THSD4: variants seen among roughly 807,000 people sequenced by gnomAD.
THSD4 encodes the protein thrombospondin type 1 domain containing 4, also known as thrombospondin type-1 domain-containing protein 4.
Under a neutral mutation model 119.0 loss-of-function variants are expected in THSD4, and 69 were observed. The observed-to-expected ratio is 0.58, with a 90% confidence interval of 0.48 to 0.71. The LOEUF is 0.71. THSD4 is among the 30% of genes least tolerant of loss of function. The pLI is 0.00. For synonymous variants in THSD4, 524 were observed against 540.4 expected (o/e 0.97, Z 0.42); for missense variants, 1,393 against 1,391.1 (o/e 1.00, Z -0.02).
intron 6 of THSD4, among the ~76,000 whole-genome samples, chr15:71,332,305 T>C (rs1463797782): frequency 1.3e-5 from 2 of 152,216 alleles, no homozygotes; most frequent in African/African-American, 2.4e-5. Context: ...GCGAAGAGCA[T>C]TGATTCTCAT....
intron 6 of THSD4, among the ~76,000 whole-genome samples, chr15:71,305,991 T>C (rs1004767696): frequency 6.6e-6 from 1 of 152,020 alleles, no homozygotes; most frequent in Admixed American, 6.6e-5. Context: ...CCTCAAACGA[T>C]TGTAAAGAGC....
At chr15:71,582,051 T>G (rs1205689884) in intron 7 of THSD4, among the ~76,000 whole-genome samples, 1 of 152,176 alleles carries the variant, frequency 6.6e-6, no homozygotes, top group Non-Finnish European at 1.5e-5. Context: ...AAAAATGCCT[T>G]TGTAATTTTA....
chr15:71,268,839 A>T (rs1318760058), intron 6 of THSD4, among the ~76,000 whole-genome samples: 1 of 152,204 alleles, frequency 6.6e-6, no homozygotes, highest in Non-Finnish European at 1.5e-5. Context: ...AAACACCTCT[A>T]TGCAAATAAA....
At chr15:71,234,794 G>A (rs16955314) in intron 4 of THSD4, among the ~76,000 whole-genome samples, 12,909 of 152,080 alleles carry the variant, frequency 0.085, 700 homozygotes, top group African/African-American at 0.14. Context: ...CTTCTCTGGC[G>A]CTATCATCCT....
intron 8 of THSD4, among the ~76,000 whole-genome samples, chr15:71,678,972 G>A (rs187602244): frequency 6.6e-6 from 1 of 152,064 alleles, no homozygotes; most frequent in Non-Finnish European, 1.5e-5. Context: ...TTATTATCTA[G>A]TGTTTAGTGT....
At chr15:71,505,375 A>T (rs1008453031) in intron 7 of THSD4, among the ~76,000 whole-genome samples, 1 of 152,232 alleles carries the variant, frequency 6.6e-6, no homozygotes, top group Non-Finnish European at 1.5e-5. Context: ...AAGAGAGTGA[A>T]TGAAACAGAC....
At chr15:71,627,142 G>A (rs774481378) in intron 7 of THSD4, among the ~76,000 whole-genome samples, 2 of 152,140 alleles carry the variant, frequency 1.3e-5, no homozygotes, top group Non-Finnish European at 2.9e-5. Flanking sequence ...GAAAGGGAAA[G>A]GAGAGCTATC....
chr15:71,380,261 T>G (rs754829792), intron 6 of THSD4, among the ~76,000 whole-genome samples: 1 of 152,136 alleles, frequency 6.6e-6, no homozygotes, highest in Non-Finnish European at 1.5e-5. Context: ...TTTGAGAGAT[T>G]GATCAAAACT....
At chr15:71,555,871 T>C (rs2049008066) in intron 7 of THSD4, among the ~76,000 whole-genome samples, 1 of 152,234 alleles carries the variant, frequency 6.6e-6, no homozygotes, top group South Asian at 2.1e-4. Flanking sequence ...TTTCCCCATA[T>C]TGGCAATGAG....
chr15:71,404,653 C>T (rs2046580552), intron 6 of THSD4, among the ~76,000 whole-genome samples: 2 of 152,168 alleles, frequency 1.3e-5, no homozygotes. Context: ...GGGCTCCAAT[C>T]TCATTAATGG....
At chr15:71,650,054 G>A (rs564277307) in intron 7 of THSD4, among the ~76,000 whole-genome samples, 1 of 152,280 alleles carries the variant, frequency 6.6e-6, no homozygotes, top group South Asian at 2.1e-4. Flanking sequence ...GAATGTCTCT[G>A]AGTCATCTAG....
rs1299572727 is a variant in THSD4, at chr15:71,593,403, G to A, written c.1153-67127G>A. ...CCCGCCACTGCACTCCAGCCTGGGCGACAGAGAGAGACTCCGTCTCAAAAA... is the reference window on the plus strand; with the variant it reads ...CCCGCCACTGCACTCCAGCCTGGGCAACAGAGAGAGACTCCGTCTCAAAAA... On this transcript the variant is annotated intron_variant, in intron 7 of 17. Transcript: ENST00000261862. 3.9e-5 allele frequency among the ~76,000 whole-genome samples: 3 copies of A among 77,380 alleles called. 1 individual carries two copies. In the Admixed American group the frequency reaches 5.1e-4, roughly 13 times the overall value. 50.8% of individuals were successfully genotyped at this position (77,380 alleles called of 152,430 possible).
At chr15:71,348,207 C>A (rs1027616073) in intron 6 of THSD4, 6 of 152,186 alleles carry the variant, frequency 3.9e-5, no homozygotes, top group African/African-American at 1.4e-4. Context: ...AATACCCAAC[C>A]CTTTTGTAGA....
chr15:71,160,271 G>T (rs1314699215), intron 3 of THSD4, among the ~76,000 whole-genome samples: 1 of 151,610 alleles, frequency 6.6e-6, no homozygotes, highest in Admixed American at 6.6e-5. Flanking sequence ...TTGGCCCATA[G>T]TTTTCTTTTT....
intron 7 of THSD4, among the ~76,000 whole-genome samples, chr15:71,580,162 T>G (rs191426461): frequency 7.7e-4 from 117 of 152,232 alleles, no homozygotes; most frequent in African/African-American, 2.7e-3. Context: ...AGAGGAAAAT[T>G]ATTTCAGGGA....
intron 6 of THSD4, among the ~76,000 whole-genome samples, chr15:71,301,354 A>G (rs976665851): frequency 1.3e-5 from 2 of 152,200 alleles, no homozygotes; most frequent in Non-Finnish European, 2.9e-5. Flanking sequence ...AATTTTTCAC[A>G]TGATTTTTCC....
intron 7 of THSD4, among the ~76,000 whole-genome samples, chr15:71,478,328 TA>T (rs1248187516): frequency 3.9e-5 from 6 of 152,248 alleles, no homozygotes; most frequent in Admixed American, 3.9e-4. Context: ...TAATTTATTT[TA>T]TTTGGTATTA....
intron 7 of THSD4, among the ~76,000 whole-genome samples, chr15:71,615,939 C>T (rs1478413900): frequency 6.6e-6 from 1 of 152,206 alleles, no homozygotes; most frequent in Non-Finnish European, 1.5e-5. Flanking sequence ...TCTGTGCATT[C>T]ATGTGACTCT....
intron 6 of THSD4, among the ~76,000 whole-genome samples, chr15:71,344,528 A>AG (rs1386825856): frequency 1.3e-5 from 2 of 152,194 alleles, no homozygotes; most frequent in African/African-American, 2.4e-5. Context: ...GCATACATGC[A>AG]GGGGGCTGGC....
Sources: allele counts gnomAD v4.1 joint callset (sites outside exome capture counted in the v4.1 genomes callset), GRCh38; gene constraint gnomAD v4.1.1; transcripts MANE v1.5; gene names NCBI Gene and HGNC (gene_info 2026-07-23, HGNC 2026-07-21).